The following CXCL13 variants were observed in gnomAD, a reference collection of about 807,000 sequenced individuals.
CXCL13 encodes C-X-C motif chemokine ligand 13.
CXCL13 carries 7 observed loss-of-function variants against 12.2 expected under a neutral mutation model. The observed-to-expected ratio is 0.57, with a 90% confidence interval of 0.33 to 1.07. CXCL13 has a LOEUF of 1.07. Ranked by LOEUF, CXCL13 falls within the 50% of genes least tolerant of loss-of-function variation. The pLI is 0.04. For missense variants in CXCL13, 113 were observed against 127.4 expected, an observed-to-expected ratio of 0.89 and a Z score of 0.55; for synonymous variants, 47 against 42.4, an observed-to-expected ratio of 1.11 and a Z score of -0.42.
intron 2 of CXCL13, 120 bp from the exon 3 acceptor site, chr4:77,610,494 C>A: frequency 1.3e-6 from 1 of 767,268 alleles, no homozygotes; most frequent in Non-Finnish European, 2.1e-6. Flanking sequence ...CCCAAACTGC[C>A]CAGCTCCAAT....
At chr4:77,582,819 G>A (rs1726371409) in intron 1 of CXCL13, among the ~76,000 whole-genome samples, 1 of 152,206 alleles carries the variant, frequency 6.6e-6, no homozygotes, top group African/African-American at 2.4e-5. Context: ...TTGACAGAGG[G>A]TAGGTAAGAG....
intron 1 of CXCL13, among the ~76,000 whole-genome samples, chr4:77,534,108 C>A (rs1408640471): frequency 2.6e-5 from 4 of 152,184 alleles, no homozygotes; most frequent in South Asian, 2.1e-4. Context: ...GCAGAAATCA[C>A]CCGTCTTCTG....
At chr4:77,590,941 G>A (rs751913695) in intron 1 of CXCL13, among the ~76,000 whole-genome samples, 4 of 152,190 alleles carry the variant, frequency 2.6e-5, no homozygotes, top group Non-Finnish European at 5.9e-5. Flanking sequence ...ATGCAGTAGT[G>A]TTACCTTGGC....
chr4:77,593,397 C>G (rs1726665394), intron 1 of CXCL13, among the ~76,000 whole-genome samples: 1 of 152,202 alleles, frequency 6.6e-6, no homozygotes, highest in Non-Finnish European at 1.5e-5. Flanking sequence ...GGAATCATAC[C>G]TAAGTTCGAG....
chr4:77,591,550 CAAAAAA>C (rs780283463), intron 1 of CXCL13, among the ~76,000 whole-genome samples: 1 of 48,616 alleles, frequency 2.1e-5, no homozygotes, highest in African/African-American at 6.9e-5. Flanking sequence ...GACTCCATCT[CAAAAAA>C]AAAAAAAAAA....
At chr4:77,527,271 A>G (rs1260855915) in intron 1 of CXCL13, among the ~76,000 whole-genome samples, 4 of 152,306 alleles carry the variant, frequency 2.6e-5, no homozygotes, top group African/African-American at 7.2e-5. Context: ...CTGAGAAACT[A>G]AACAACTCAT....
At chr4:77,527,868 T>C (rs1433753940) in intron 1 of CXCL13, among the ~76,000 whole-genome samples, 1 of 152,164 alleles carries the variant, frequency 6.6e-6, no homozygotes, top group Non-Finnish European at 1.5e-5. Flanking sequence ...CATGTTGGTG[T>C]GTTGTACCCA....
At chr4:77,599,105 G>T (rs1339374715) in intron 1 of CXCL13, among the ~76,000 whole-genome samples, 1 of 152,078 alleles carries the variant, frequency 6.6e-6, no homozygotes. Flanking sequence ...CACCGCACCC[G>T]GCCAGCCCCA....
At chr4:77,546,868 T>C (rs1449283862) in intron 1 of CXCL13, among the ~76,000 whole-genome samples, 3 of 152,252 alleles carry the variant, frequency 2.0e-5, no homozygotes, top group Non-Finnish European at 2.9e-5. Flanking sequence ...CTTTCTCTTA[T>C]GGGCATTTAG....
intron 1 of CXCL13, among the ~76,000 whole-genome samples, chr4:77,596,345 G>A (rs942191721): frequency 2.0e-5 from 3 of 152,198 alleles, no homozygotes; most frequent in African/African-American, 4.8e-5. Flanking sequence ...AGAGTGTAGC[G>A]AAAAGGGAAC....
chr4:77,573,755 G>T (rs565643073), intron 1 of CXCL13, among the ~76,000 whole-genome samples: 11 of 152,046 alleles, frequency 7.2e-5, no homozygotes, highest in Admixed American at 2.0e-4. Flanking sequence ...GGTGGCCTGG[G>T]TTCAATTCCT....
At chr4:77,570,763 C>G (rs1000987177) in intron 1 of CXCL13, among the ~76,000 whole-genome samples, 2 of 152,070 alleles carry the variant, frequency 1.3e-5, no homozygotes, top group African/African-American at 4.8e-5. Context: ...TCAGAGCGGT[C>G]GGCCGGCCCT....
At chr4:77,524,308 C>T (rs1445426535) in intron 1 of CXCL13, among the ~76,000 whole-genome samples, 1 of 152,220 alleles carries the variant, frequency 6.6e-6, no homozygotes. Flanking sequence ...TTTCTGCTGC[C>T]TTTTGTTCAG....
At chr4:77,561,839 G>T (rs1157042151) in intron 1 of CXCL13, among the ~76,000 whole-genome samples, 1 of 152,218 alleles carries the variant, frequency 6.6e-6, no homozygotes, top group Non-Finnish European at 1.5e-5. Context: ...CCCTCTCTGG[G>T]CTGGCCGAGG....
At chr4:77,590,413 T>C (rs1726576688) in intron 1 of CXCL13, among the ~76,000 whole-genome samples, 1 of 152,258 alleles carries the variant, frequency 6.6e-6, no homozygotes, top group Non-Finnish European at 1.5e-5. Context: ...GGAAGTTTGA[T>C]ATTCCAGTTC....
intron 1 of CXCL13, among the ~76,000 whole-genome samples, chr4:77,586,923 C>G (rs1726485539): frequency 6.6e-6 from 1 of 152,188 alleles, no homozygotes; most frequent in Admixed American, 6.5e-5. Flanking sequence ...CTACAAACTG[C>G]AGACCCAGCT....
chr4:77,609,085 A>G (rs1023997633), intron 2 of CXCL13, among the ~76,000 whole-genome samples: 3 of 152,234 alleles, frequency 2.0e-5, no homozygotes, highest in Non-Finnish European at 4.4e-5. Context: ...AGGTGAAAAT[A>G]CCGTGAGTCC....
chr4:77,604,557 C>A (rs1186333969), upstream of CXCL13, among the ~76,000 whole-genome samples: 2 of 150,800 alleles, frequency 1.3e-5, no homozygotes, highest in African/African-American at 4.9e-5. Context: ...CAAGCATAAA[C>A]AAACTGCTAG....
chr4:77,524,710 C>T (rs1724717681), intron 1 of CXCL13, among the ~76,000 whole-genome samples: 1 of 152,148 alleles, frequency 6.6e-6, no homozygotes, highest in African/African-American at 2.4e-5. Flanking sequence ...CTTCAGCTCA[C>T]CCTCTGTGGG....
Sources: allele counts gnomAD v4.1 joint callset (sites outside exome capture counted in the v4.1 genomes callset), GRCh38; gene constraint gnomAD v4.1.1; transcripts MANE v1.5; gene names NCBI Gene and HGNC (gene_info 2026-07-23, HGNC 2026-07-21).